ZNF462: variants seen among roughly 807,000 people sequenced by gnomAD.
ZNF462 encodes zinc finger PBX1-interacting protein.
Under a neutral mutation model 201.9 loss-of-function variants are expected in ZNF462, and 10 were observed. The observed-to-expected ratio is 0.05, with a 90% CI of 0.03 to 0.08. ZNF462 has a LOEUF of 0.08. Among genes scored for constraint, ZNF462 ranks in the 10% least tolerant of loss-of-function variants. ZNF462 has a pLI of 1.00. For missense variants in ZNF462, 2,523 were observed against 3,168.3 expected (o/e 0.80, Z 4.89); for synonymous variants, 1,227 against 1,193.3 (o/e 1.03, Z -0.58).
intron 10 of ZNF462, among the ~76,000 whole-genome samples, chr9:106,998,981 G>C (rs1828956969): frequency 6.6e-6 from 1 of 152,134 alleles, no homozygotes; most frequent in Non-Finnish European, 1.5e-5. Context: ...GGGACCTTGA[G>C]TGAATGGGCA....
rs1830496187 is a variant in ZNF462, at chr9:106,933,272, A to G, written c.6116+723A>G. ...GCTTTTTAAAACAATTTTTTTAATG[A>G]AATAAATGATGGACTATTTGCTTCT... On this transcript the variant is annotated intron_variant, in intron 5 of 12. Coordinates refer to ENST00000277225, the MANE Select transcript of ZNF462 (RefSeq NM_021224.6). This position sits in a 1 kb window ranked among gnomAD's most constrained non-coding sequence, Gnocchi z 4.3. The G allele has an allele frequency of 6.6e-6, 1 of 152,602 alleles. No individual in the cohort carries two copies. Among genetic ancestry groups the G allele is most frequent in the African/African-American group, 2.4e-5 (1 of 41,462 alleles). The allele number at this position is 152,602 out of a possible 1,614,324, so 9.5% of individuals were successfully genotyped here.
Position 106,928,630 on chromosome 9 carries a change from G to C in ZNF462, c.4718G>C (p.Gly1573Ala). 1 of 1,614,102 alleles carries C rather than the reference G, an allele frequency of 6.2e-7. No homozygotes were observed. The change falls in exon 3 of 13, where the codon GGG becomes GCG. Residue 1573 changes from glycine (G) to alanine (A), a missense_variant. Transcript: ENST00000277225. The surrounding 1 kb of genome is among the most constrained non-coding windows in gnomAD (Gnocchi z 9.3). ...GAGACGAGCAGGATCTTCAAGCAAG[G>C]GTATGGCGCCTACCGGTGCAAACTG... is the stretch of plus-strand genomic sequence containing the variant. ...VEETSRIFKQ[G>A]YGAYRCKLCP...
intron 10 of ZNF462, among the ~76,000 whole-genome samples, chr9:107,002,880 G>T (rs1482526375): frequency 1.3e-5 from 2 of 152,186 alleles, no homozygotes; most frequent in African/African-American, 4.8e-5. Flanking sequence ...CTAGTGGTCG[G>T]CATGCTTGCA....
At chr9:106,992,026 G>C (rs775737406) in intron 10 of ZNF462, among the ~76,000 whole-genome samples, 2 of 151,732 alleles carry the variant, frequency 1.3e-5, no homozygotes, top group East Asian at 3.9e-4. Context: ...AAAGAAAAAA[G>C]AAGACACCAT....
chr9:106,971,895 T>C (rs535923506), intron 7 of ZNF462, 110 bp from the exon 8 acceptor site: 3 of 1,346,260 alleles, frequency 2.2e-6, no homozygotes, highest in Admixed American at 2.3e-5. Flanking sequence ...TTGTCAATTA[T>C]ACCTTAGTAA....
At chr9:106,959,447 T>C (rs1349180754) in intron 7 of ZNF462, among the ~76,000 whole-genome samples, 1 of 152,110 alleles carries the variant, frequency 6.6e-6, no homozygotes, top group Non-Finnish European at 1.5e-5. Flanking sequence ...GCAGACTTCA[T>C]TGCTGTGGAA....
chr9:106,982,534 C>G (rs1827519886), intron 9 of ZNF462, among the ~76,000 whole-genome samples: 2 of 152,086 alleles, frequency 1.3e-5, no homozygotes, highest in Non-Finnish European at 2.9e-5. Context: ...GGTTAGAGGA[C>G]TTAAACAGTT....
chr9:106,879,339 C>T (rs530884249), intron 1 of ZNF462, among the ~76,000 whole-genome samples: 1 of 108,768 alleles, frequency 9.2e-6, no homozygotes, highest in Non-Finnish European at 1.8e-5. Context: ...TCCACCCCCC[C>T]CCCCACCCCC....
At chr9:106,989,063 TC>T (rs1022157305) in intron 10 of ZNF462, among the ~76,000 whole-genome samples, 3 of 152,278 alleles carry the variant, frequency 2.0e-5, no homozygotes, top group African/African-American at 4.8e-5. Context: ...GGCAAGGACT[TC>T]CAGTACTATG....
intron 1 of ZNF462, among the ~76,000 whole-genome samples, chr9:106,910,362 GT>G (rs1011376719): frequency 0.067 from 4,371 of 64,826 alleles, 83 homozygotes; most frequent in South Asian, 0.17. Flanking sequence ...CCTTGTTTTA[GT>G]TTTTTTTTTT....
At chr9:106,866,370 C>T (rs1233468966) in intron 1 of ZNF462, among the ~76,000 whole-genome samples, 1 of 152,098 alleles carries the variant, frequency 6.6e-6, no homozygotes, top group South Asian at 2.1e-4. Context: ...ATGCACAGTG[C>T]TGTATATGAC....
At chr9:106,908,910 C>CATATATACAT (rs1458619122) in intron 1 of ZNF462, among the ~76,000 whole-genome samples, 4 of 43,978 alleles carry the variant, frequency 9.1e-5, no homozygotes, top group African/African-American at 4.4e-4. Context: ...CCCATATATA[C>CATATATACAT]ATATATATAT....
At chr9:106,914,670 A>T (rs562405648) in intron 1 of ZNF462, among the ~76,000 whole-genome samples, 24 of 152,208 alleles carry the variant, frequency 1.6e-4, no homozygotes, top group Non-Finnish European at 2.8e-4. Context: ...AGCCAGACAG[A>T]CCTAGACTCC....
chr9:106,908,094 T>C (rs537005223), intron 1 of ZNF462, among the ~76,000 whole-genome samples: 1 of 152,246 alleles, frequency 6.6e-6, no homozygotes, highest in East Asian at 1.9e-4. Context: ...TATTATCTCT[T>C]AATTGTGGCA....
At chr9:106,987,907 TG>T (rs1827974585) in intron 10 of ZNF462, among the ~76,000 whole-genome samples, 4 of 152,312 alleles carry the variant, frequency 2.6e-5, no homozygotes, top group Admixed American at 2.6e-4. Context: ...CAGCACCATT[TG>T]TTGAAAAGGG....
chr9:106,974,024 C>CA lies in ZNF462; in HGVS notation c.6696-112dup, dbSNP rs1564143775. On this transcript the variant is annotated intron_variant, in intron 8 of 12. Coordinates refer to ENST00000277225, the MANE Select transcript of ZNF462 (RefSeq NM_021224.6). This position sits in a 1 kb window ranked among gnomAD's most constrained non-coding sequence, Gnocchi z 4.0. ...TGATGAACAGATTTTTTTTTAGCCC[C>CA]ACAAGCAGGAGAGCCGCACTTGGAC... is the stretch of plus-strand genomic sequence containing the variant. 6.4e-6 allele frequency: 9 copies of CA among 1,401,996 alleles called. No homozygotes were observed. The South Asian group carries it at 9.4e-5, about 15-fold the overall frequency. 86.8% of individuals were successfully genotyped at this position (1,401,996 alleles called of 1,614,324 possible). A position where few individuals can be genotyped will look rare whatever the true frequency, so the allele number is the denominator to read the frequency against.
intron 7 of ZNF462, among the ~76,000 whole-genome samples, chr9:106,949,035 T>C (rs1358232073): frequency 6.6e-6 from 1 of 152,188 alleles, no homozygotes; most frequent in Non-Finnish European, 1.5e-5. Flanking sequence ...ATTTACAGTA[T>C]TGGTGAACAG....
In ZNF462 at chr9:106,902,556, CT is replaced by C. The variant is rs1564086745; in HGVS notation, c.-30-20791del. Among the ~76,000 whole-genome samples the C allele has an allele frequency of 6.6e-6, 1 of 151,952 alleles. No individual in the cohort carries two copies. The highest frequency in any genetic ancestry group is 2.1e-4 in the South Asian group (1 of 4,820). On this transcript the variant is annotated intron_variant, in intron 1 of 12. Transcript: ENST00000277225. This position sits in a 1 kb window ranked among gnomAD's most constrained non-coding sequence, Gnocchi z 4.2. ...TGCTGTGAATCCATCTGGTCCTGGACTTTTTTTGTTGGTAATTTTTTAATTT... is the reference window on the plus strand; with the variant it reads ...TGCTGTGAATCCATCTGGTCCTGGACTTTTTTGTTGGTAATTTTTTAATTT...
At position 106,929,778 on chromosome 9, in the gene ZNF462, T is replaced by C; in HGVS notation, c.5847+19T>C. ...AGAGAGGGTAAGGATATGTTTTGAT[T>C]TCCCTTCCCCCAGGAGGCCTCTCAT... On this transcript the variant is annotated intron_variant, in intron 3 of 12. Transcript: ENST00000277225. This position sits in a 1 kb window ranked among gnomAD's most constrained non-coding sequence, Gnocchi z 8.7. 6.3e-7 allele frequency: 1 copy of C among 1,588,316 alleles called. No individual in the cohort carries two copies.
Sources: allele counts gnomAD v4.1 joint callset (sites outside exome capture counted in the v4.1 genomes callset), GRCh38; gene constraint gnomAD v4.1.1; non-coding constraint Gnocchi (gnomAD v3.1); transcripts MANE v1.5; gene names NCBI Gene and HGNC (gene_info 2026-07-23, HGNC 2026-07-21).